PDE10A: variants seen among roughly 807,000 people sequenced by gnomAD.
PDE10A encodes the protein phosphodiesterase 10A.
PDE10A carries 39 observed loss-of-function variants against 97.7 expected under a neutral mutation model. The ratio of observed to expected loss-of-function variants is 0.40; its 90% confidence interval spans 0.31 to 0.52. The LOEUF is 0.52. Among genes scored for constraint, PDE10A ranks in the 20% least tolerant of loss-of-function variants. The pLI, the probability that PDE10A is intolerant of heterozygous loss-of-function variation, is 0.56. For synonymous variants in PDE10A, 371 were observed against 376.8 expected (o/e 0.98, Z 0.18); for missense variants, 731 against 1,047.8 (o/e 0.70, Z 4.17).
At chr6:165,847,248 G>T (rs1310317267) in intron 1 of PDE10A, among the ~76,000 whole-genome samples, 2 of 152,208 alleles carry the variant, frequency 1.3e-5, no homozygotes, top group African/African-American at 4.8e-5. Flanking sequence ...GGGGTACCGG[G>T]AGCTTGGCAG....
At chr6:165,982,316 G>A (rs577418880) in intron 1 of PDE10A, among the ~76,000 whole-genome samples, 3 of 152,172 alleles carry the variant, frequency 2.0e-5, no homozygotes. Context: ...AAACTGGGCT[G>A]GGGAGGATCT....
At chr6:165,334,218 C>T (rs1781502748) in intron 21 of PDE10A, among the ~76,000 whole-genome samples, 2 of 152,246 alleles carry the variant, frequency 1.3e-5, no homozygotes, top group South Asian at 4.1e-4. Context: ...TGAGGCAGAG[C>T]TGCCCACACA....
At chr6:165,724,179 A>G (rs1792234616) in intron 1 of PDE10A, among the ~76,000 whole-genome samples, 1 of 152,204 alleles carries the variant, frequency 6.6e-6, no homozygotes, top group African/African-American at 2.4e-5. Context: ...ACTTACTAGG[A>G]AAAATTGGAA....
At chr6:165,619,457 G>C (rs375916226) in intron 1 of PDE10A, among the ~76,000 whole-genome samples, 8 of 70,690 alleles carry the variant, frequency 1.1e-4, no homozygotes, top group East Asian at 4.7e-4. Context: ...GTCTAGTGTA[G>C]TGTAGTCTAG....
intron 1 of PDE10A, chr6:165,545,158 C>G (rs754702763): frequency 1.4e-5 from 7 of 500,224 alleles, no homozygotes; most frequent in African/African-American, 1.4e-4. Flanking sequence ...TTCTGCCACT[C>G]CCATGACACA....
rs142066183 is a variant in PDE10A, at chr6:165,682,999, C to T, written c.-614-139431G>A. Among the ~76,000 whole-genome samples the T allele has an allele frequency of 4.1e-3, 621 of 152,292 alleles. 1 individual carries two copies. Among genetic ancestry groups the T allele is most frequent in the Non-Finnish European group, 6.7e-3 (453 of 68,024 alleles). On this transcript the variant is annotated intron_variant, in intron 1 of 19. Coordinates refer to the PDE10A transcript ENST00000366882. ...TCTGTTCATTGTGTCGTTCCCCCAC[C>T]GGAATGTAAAAGTGCGTGTGGGCAG...
chr6:165,808,618 T>C (rs1583123884), intron 1 of PDE10A, among the ~76,000 whole-genome samples: 1 of 152,240 alleles, frequency 6.6e-6, no homozygotes, highest in East Asian at 1.9e-4. Flanking sequence ...GGAGAGGAAT[T>C]AGCCGTGTCA....
chr6:165,952,875 A>G (rs1477344245), intron 1 of PDE10A, among the ~76,000 whole-genome samples: 1 of 150,140 alleles, frequency 6.7e-6, no homozygotes, highest in Non-Finnish European at 1.5e-5. Context: ...AAAAAAGGCC[A>G]CAGTGCATTC....
intron 1 of PDE10A, among the ~76,000 whole-genome samples, chr6:165,901,090 C>T (rs1029158665): frequency 6.6e-6 from 1 of 152,190 alleles, no homozygotes; most frequent in Non-Finnish European, 1.5e-5. Context: ...TGGACTCATC[C>T]ACCGAATTCT....
At chr6:165,425,434 A>T (rs907443819) in intron 10 of PDE10A, among the ~76,000 whole-genome samples, 6 of 152,122 alleles carry the variant, frequency 3.9e-5, no homozygotes, top group Admixed American at 3.3e-4. Context: ...AATTCAAAAT[A>T]AAAACCATAT....
chr6:165,613,073 A>G (rs1787570847), intron 1 of PDE10A, among the ~76,000 whole-genome samples: 1 of 152,150 alleles, frequency 6.6e-6, no homozygotes, highest in Admixed American at 6.5e-5. Context: ...TATTTTAACC[A>G]ATTTTCCTTC....
intron 1 of PDE10A, among the ~76,000 whole-genome samples, chr6:165,845,983 G>T (rs1231190577): frequency 6.6e-6 from 1 of 151,494 alleles, no homozygotes; most frequent in African/African-American, 2.5e-5. Context: ...AGTGGGTAAA[G>T]AAAGAAAAAA....
At chr6:165,590,301 T>C (rs997271544) in intron 1 of PDE10A, among the ~76,000 whole-genome samples, 4 of 152,210 alleles carry the variant, frequency 2.6e-5, no homozygotes, top group Non-Finnish European at 5.9e-5. Context: ...TTTTAGAGGA[T>C]GGAACTGACG....
Position 165,592,856 on chromosome 6 carries a change from T to G in PDE10A, c.866-49288A>C, listed in dbSNP as rs779988613. 4.6e-5 allele frequency among the ~76,000 whole-genome samples: 7 copies of G among 152,142 alleles called. No individual in the cohort carries two copies. The South Asian group carries it at 1.0e-3, about 22-fold the overall frequency. Reference sequence around the variant, plus strand: ...ACACTTTTACACTGTTGGTGGGACTTTAAACTAGTTCAACCATTGTGGAAG... The same window carrying G: ...ACACTTTTACACTGTTGGTGGGACTGTAAACTAGTTCAACCATTGTGGAAG... On this transcript the variant is annotated intron_variant, in intron 1 of 21. Transcript: ENST00000539869.
intron 13 of PDE10A, among the ~76,000 whole-genome samples, chr6:165,406,001 G>A (rs1418462282): frequency 6.6e-6 from 1 of 152,036 alleles, no homozygotes; most frequent in Non-Finnish European, 1.5e-5. Flanking sequence ...AGTGATTAAT[G>A]CTTATGTGTG....
rs919218807 is a variant in PDE10A at position 165,764,637 on chromosome 6, C to T, written c.-614-221069G>A. ...CAGTGAGTGTTAACAGCTTTTAAGG[C>T]GACGCGTCTGGAGTTGTTCCTTCCT... On this transcript the variant is annotated intron_variant, in intron 1 of 19. Transcript: ENST00000366882. 6.6e-5 allele frequency among the ~76,000 whole-genome samples: 10 copies of T among 152,044 alleles called. 1 individual carries two copies. The highest frequency in any genetic ancestry group is 4.6e-4 in the Admixed American group (7 of 15,268).
chr6:165,546,171 C>T (rs1368081080), intron 1 of PDE10A, among the ~76,000 whole-genome samples: 3 of 152,092 alleles, frequency 2.0e-5, no homozygotes, highest in Non-Finnish European at 2.9e-5. Context: ...AAAAAGGATA[C>T]ATATTACACA....
At chr6:165,682,240 T>A (rs1229075662) in intron 1 of PDE10A, among the ~76,000 whole-genome samples, 1 of 152,118 alleles carries the variant, frequency 6.6e-6, no homozygotes, top group Non-Finnish European at 1.5e-5. Context: ...CAGGTGATCC[T>A]CCTGCCTCAG....
intron 1 of PDE10A, among the ~76,000 whole-genome samples, chr6:165,678,136 CGTGTGTATGTGTGTGTCTCTCT>C (rs1790859684): frequency 1.5e-4 from 1 of 6,848 alleles, no homozygotes; most frequent in East Asian, 4.4e-3. Context: ...TGTTTGTGTA[CGTGTGTATGTGTGTGTCTCTCT>C]GTGTGTATGT....
Sources: allele counts gnomAD v4.1 joint callset (sites outside exome capture counted in the v4.1 genomes callset), GRCh38; gene constraint gnomAD v4.1.1; transcripts MANE v1.5; gene names NCBI Gene and HGNC (gene_info 2026-07-23, HGNC 2026-07-21).